The following RASGRF2 variants were observed in gnomAD, a reference collection of about 807,000 sequenced individuals.
The protein encoded by RASGRF2 is ras-specific guanine nucleotide-releasing factor 2.
Under a neutral mutation model 151.0 loss-of-function variants are expected in RASGRF2, and 76 were observed. The observed-to-expected ratio is 0.50, with a 90% CI of 0.42 to 0.61. The LOEUF (loss-of-function observed/expected upper bound fraction) is 0.61, where lower values mean the gene tolerates loss of function less well. RASGRF2 is among the 20% of genes least tolerant of loss of function. The pLI is 0.00. For synonymous variants in RASGRF2, 504 were observed against 566.5 expected (o/e 0.89, Z 1.57); for missense variants, 1,148 against 1,564.6 (o/e 0.73, Z 4.49).
intron 1 of RASGRF2, among the ~76,000 whole-genome samples, chr5:80,992,334 A>G (rs541758924): frequency 6.6e-6 from 1 of 152,192 alleles, no homozygotes; most frequent in South Asian, 2.1e-4. Context: ...TTGTCTCCCC[A>G]ATCCCACTCA....
At chr5:80,981,556 T>C (rs1422319920) in intron 1 of RASGRF2, among the ~76,000 whole-genome samples, 1 of 152,112 alleles carries the variant, frequency 6.6e-6, no homozygotes, top group Non-Finnish European at 1.5e-5. Flanking sequence ...TGTATGTTTG[T>C]AGCAGTGCTC....
intron 1 of RASGRF2, among the ~76,000 whole-genome samples, chr5:81,026,996 C>CA (rs1272582068): frequency 6.6e-6 from 1 of 152,116 alleles, no homozygotes; most frequent in Non-Finnish European, 1.5e-5. Flanking sequence ...GTTTTTCCCC[C>CA]AGTTTCCTGC....
chr5:81,076,927 T>G (rs1376413659), intron 5 of RASGRF2, among the ~76,000 whole-genome samples: 2 of 152,228 alleles, frequency 1.3e-5, no homozygotes, highest in Non-Finnish European at 2.9e-5. Context: ...GCTGCATGGA[T>G]GCAGGTGCAG....
chr5:81,036,387 A>G (rs190545193), intron 1 of RASGRF2, among the ~76,000 whole-genome samples: 79 of 152,188 alleles, frequency 5.2e-4, no homozygotes, highest in Non-Finnish European at 1.0e-3. Flanking sequence ...GATTAACACT[A>G]TGATGGAAAT....
At chr5:80,972,019 G>A (rs1747953842) in intron 1 of RASGRF2, among the ~76,000 whole-genome samples, 1 of 152,134 alleles carries the variant, frequency 6.6e-6, no homozygotes, top group African/African-American at 2.4e-5. Flanking sequence ...ACAGGCATGA[G>A]CCACTGTGCC....
intron 17 of RASGRF2, among the ~76,000 whole-genome samples, chr5:81,132,539 A>T (rs1392686494): frequency 6.6e-6 from 1 of 152,152 alleles, no homozygotes; most frequent in Non-Finnish European, 1.5e-5. Context: ...TAGACTTGTA[A>T]ATAAGCCTCA....
chr5:80,963,878 TCAA>T (rs1747641190), intron 1 of RASGRF2, among the ~76,000 whole-genome samples: 2 of 152,180 alleles, frequency 1.3e-5, no homozygotes, highest in African/African-American at 4.8e-5. Flanking sequence ...CACATATCCT[TCAA>T]TGATTTTTAT....
At chr5:80,996,562 C>T (rs1580181810) in intron 1 of RASGRF2, among the ~76,000 whole-genome samples, 1 of 64,298 alleles carries the variant, frequency 1.6e-5, no homozygotes, top group African/African-American at 6.5e-5. Flanking sequence ...CCTCCTCCTC[C>T]TCCCCCTCCT....
In RASGRF2 at chr5:80,960,816, C is replaced by T. The variant is rs776430476; in HGVS notation, c.78C>T (p.Arg26=). The T allele has an allele frequency of 1.2e-6, 2 of 1,613,588 alleles. No individual in the cohort carries two copies. The highest frequency in any genetic ancestry group is 4.5e-5 in the East Asian group (2 of 44,852). ...TGGCGCGCAAGGAGGGCACCAAGCG[C>T]GGCTTCCTGAGTAAGAAGACGGCCG... ...AFLARKEGTK[R]GFLSKKTAEA... is the part of the protein sequence containing the mutation. The change falls in exon 1 of 27, where the codon CGC becomes CGT. Residue 26 remains arginine, a synonymous_variant. Coordinates refer to ENST00000265080, the MANE Select transcript of RASGRF2 (RefSeq NM_006909.3). This position sits in a 1 kb window ranked among gnomAD's most constrained non-coding sequence, Gnocchi z 5.5.
chr5:80,996,505 C>CTTCTTCCTCCTCTTCTTCTTCT (rs56082157), intron 1 of RASGRF2, among the ~76,000 whole-genome samples: 1 of 47,762 alleles, frequency 2.1e-5, no homozygotes. Context: ...CTTCTTCTTC[C>CTTCTTCCTCCTCTTCTTCTTCT]TCCTCCTCCT....
chr5:81,184,635 A>C (rs1196453017), intron 18 of RASGRF2, among the ~76,000 whole-genome samples: 2 of 152,226 alleles, frequency 1.3e-5, no homozygotes, highest in African/African-American at 2.4e-5. Context: ...AGAATGAAAC[A>C]GTCACATATT....
intron 1 of RASGRF2, among the ~76,000 whole-genome samples, chr5:81,008,624 T>C (rs1285170076): frequency 6.6e-6 from 1 of 152,168 alleles, no homozygotes; most frequent in Non-Finnish European, 1.5e-5. Flanking sequence ...GCATGACACT[T>C]TCAAAAATAA....
chr5:81,173,966 A>C (rs1473914178), intron 17 of RASGRF2, among the ~76,000 whole-genome samples: 2 of 152,238 alleles, frequency 1.3e-5, no homozygotes, highest in Non-Finnish European at 2.9e-5. Context: ...TGAATTGTGG[A>C]TAGAAGGAAA....
chr5:80,968,046 T>G (rs6874731), intron 1 of RASGRF2, among the ~76,000 whole-genome samples: 63,293 of 152,110 alleles, frequency 0.42, 13,903 homozygotes, highest in Middle Eastern at 0.52. Context: ...CTGCCTGGAA[T>G]ATGGAGATCC....
rs147049267 is a variant in RASGRF2, at chr5:81,037,734, C to T, written c.289-5143C>T. 4.9e-3 allele frequency among the ~76,000 whole-genome samples: 750 copies of T among 152,214 alleles called. 9 individuals carry two copies. The highest frequency in any genetic ancestry group is 0.016 in the African/African-American group (655 of 41,540). On this transcript the variant is annotated intron_variant, in intron 1 of 26. Transcript: ENST00000265080. ...ACGTAGGTGAAGTCTTTATTGTGCT[C>T]TCGGAACATTTTTGAAGATTAAAAA...
In RASGRF2 at chr5:81,053,099, AAAGC is replaced by A. The variant is rs1751067216; in HGVS notation, c.395+10117_395+10120del. Among the ~76,000 whole-genome samples, 3 of 152,156 alleles carry A rather than the reference AAAGC, an allele frequency of 2.0e-5. No homozygotes were observed. In the South Asian group the frequency reaches 6.2e-4, roughly 32 times the overall value. ...TAAATTCTTCCTTTAATTAAGAAAT[AAAGC>A]CCACAATGGATAAGATAATTCTTTT... On this transcript the variant is annotated intron_variant, in intron 2 of 26. Coordinates refer to ENST00000265080, the MANE Select transcript of RASGRF2 (RefSeq NM_006909.3).
At chr5:80,986,994 TC>T (rs1490849606) in intron 1 of RASGRF2, among the ~76,000 whole-genome samples, 6 of 152,160 alleles carry the variant, frequency 3.9e-5, no homozygotes, top group Admixed American at 2.0e-4. Flanking sequence ...ACAAAGCTAG[TC>T]ATCACTGCTT....
At chr5:81,039,003 C>T (rs532320654) in intron 1 of RASGRF2, among the ~76,000 whole-genome samples, 3 of 152,274 alleles carry the variant, frequency 2.0e-5, no homozygotes, top group Admixed American at 6.5e-5. Context: ...ATGCAATCAA[C>T]ATTTTCAATC....
intron 1 of RASGRF2, among the ~76,000 whole-genome samples, chr5:81,036,069 T>C (rs1750481575): frequency 6.6e-6 from 1 of 152,144 alleles, no homozygotes; most frequent in African/African-American, 2.4e-5. Flanking sequence ...ACATTAAACA[T>C]GGAGAAAATG....
Sources: allele counts gnomAD v4.1 joint callset (sites outside exome capture counted in the v4.1 genomes callset), GRCh38; gene constraint gnomAD v4.1.1; non-coding constraint Gnocchi (gnomAD v3.1); transcripts MANE v1.5; gene names NCBI Gene and HGNC (gene_info 2026-07-23, HGNC 2026-07-21).